Variants in RIMBP2 observed in about 807,000 individuals in gnomAD.
RIMBP2 encodes RIMS binding protein 2.
A neutral mutation model predicts 118.6 loss-of-function variants in RIMBP2; 48 were observed. That is an observed-to-expected ratio of 0.40 (90% CI 0.32 to 0.51). The LOEUF (loss-of-function observed/expected upper bound fraction) is 0.51. Among genes scored for constraint, RIMBP2 ranks in the 20% least tolerant of loss-of-function variants. The probability of loss-of-function intolerance (pLI) is 0.41; values close to 1 mark genes in which losing one functional copy is unlikely to be tolerated. For missense variants in RIMBP2, 1,551 were observed against 1,768.3 expected (o/e 0.88, Z 2.20); for synonymous variants, 762 against 742.9 (o/e 1.03, Z -0.42).
At chr12:130,691,492 A>G (rs954689575) in intron 1 of RIMBP2, among the ~76,000 whole-genome samples, 1 of 152,158 alleles carries the variant, frequency 6.6e-6, no homozygotes, top group African/African-American at 2.4e-5. Context: ...CAACACAGTG[A>G]GGCCCCATCT....
chr12:130,633,040 C>G (rs1023348472), intron 1 of RIMBP2, among the ~76,000 whole-genome samples: 2 of 152,056 alleles, frequency 1.3e-5, no homozygotes, highest in Non-Finnish European at 2.9e-5. Flanking sequence ...TAGGCATAGA[C>G]GCAGTTCATT....
chr12:130,541,681 G>T (rs1204945196), intron 2 of RIMBP2, among the ~76,000 whole-genome samples: 1 of 152,220 alleles, frequency 6.6e-6, no homozygotes, highest in Non-Finnish European at 1.5e-5. Context: ...ATGTTCTAAT[G>T]CAGGCATCAT....
At chr12:130,403,644 T>C (rs2074869706) in intron 21 of RIMBP2, among the ~76,000 whole-genome samples, 1 of 151,748 alleles carries the variant, frequency 6.6e-6, no homozygotes, top group East Asian at 1.9e-4. Flanking sequence ...CTTCAAATAA[T>C]AGTAATTGCT....
chr12:130,435,979 T>C (rs2077482911), intron 13 of RIMBP2, among the ~76,000 whole-genome samples: 1 of 152,176 alleles, frequency 6.6e-6, no homozygotes, highest in Admixed American at 6.5e-5. Context: ...AGGAGGACAG[T>C]GTAGGGTCCC....
At chr12:130,452,191 G>A (rs573841504) in intron 7 of RIMBP2, among the ~76,000 whole-genome samples, 23 of 151,928 alleles carry the variant, frequency 1.5e-4, no homozygotes, top group Admixed American at 5.2e-4. Context: ...TGGGGTCCTC[G>A]GTCCCTCTGT....
intron 1 of RIMBP2, among the ~76,000 whole-genome samples, chr12:130,654,855 C>T (rs904488753): frequency 2.0e-5 from 3 of 152,186 alleles, no homozygotes; most frequent in South Asian, 4.1e-4. Context: ...CAGCATGTCA[C>T]ACAGTGACAG....
intron 2 of RIMBP2, among the ~76,000 whole-genome samples, chr12:130,528,859 G>C (rs2053077974): frequency 6.6e-6 from 1 of 152,154 alleles, no homozygotes; most frequent in Admixed American, 6.5e-5. Context: ...TTCCAGTGGA[G>C]ATGTAAAATG....
Position 130,419,693 on chromosome 12 carries a change from C to T in RIMBP2, c.3238+2760G>A, listed in dbSNP as rs2076303190. 1 of 151,996 alleles carries T rather than the reference C, an allele frequency of 6.6e-6. No homozygotes were observed. Among genetic ancestry groups the T allele is most frequent in the African/African-American group, 2.4e-5 (1 of 41,398 alleles). 9.4% of individuals were successfully genotyped at this position (151,996 alleles called of 1,614,324 possible). A position where few individuals can be genotyped will look rare whatever the true frequency, so the allele number is the denominator to read the frequency against. ...TTTGTAGGCTCAGTAGCCAAAATAACAAAAAATGGGAGAATACAGAGGAGA... is the reference window on the plus strand; with the variant it reads ...TTTGTAGGCTCAGTAGCCAAAATAATAAAAAATGGGAGAATACAGAGGAGA... On this transcript the variant is annotated intron_variant, in intron 17 of 22. Coordinates refer to ENST00000690449, the MANE Select transcript of RIMBP2 (RefSeq NM_001393629.1). This position sits in a 1 kb window ranked among gnomAD's most constrained non-coding sequence, Gnocchi z 4.3.
chr12:130,679,360 G>A (rs1273084350), intron 1 of RIMBP2, among the ~76,000 whole-genome samples: 5 of 152,208 alleles, frequency 3.3e-5, no homozygotes, highest in African/African-American at 7.2e-5. Context: ...ATTTGTCCAC[G>A]GGGCAGGACA....
chr12:130,499,018 G>A (rs934252998), intron 4 of RIMBP2, among the ~76,000 whole-genome samples: 2 of 152,226 alleles, frequency 1.3e-5, no homozygotes, highest in African/African-American at 4.8e-5. Context: ...TCCTCAAGCT[G>A]TACAGGAGGC....
chr12:130,597,919 T>C (rs2140391323), intron 2 of RIMBP2, among the ~76,000 whole-genome samples: 1 of 152,276 alleles, frequency 6.6e-6, no homozygotes, highest in African/African-American at 2.4e-5. Context: ...ATAGACAGCA[T>C]TTATAGATTG....
Position 130,447,268 on chromosome 12 carries a change from C to G in RIMBP2, c.582-1999G>C, listed in dbSNP as rs1346535274. On this transcript the variant is annotated intron_variant, in intron 9 of 22. Coordinates refer to ENST00000690449, the MANE Select transcript of RIMBP2 (RefSeq NM_001393629.1). This position sits in a 1 kb window ranked among gnomAD's most constrained non-coding sequence, Gnocchi z 4.4. Reference sequence around the variant, plus strand: ...CACCGAGAAGGGTGGAAGAAGGTCCCTGGCTGGTAAGGGCACGGAGAAGAA... The same window carrying G: ...CACCGAGAAGGGTGGAAGAAGGTCCGTGGCTGGTAAGGGCACGGAGAAGAA... 1.3e-5 allele frequency among the ~76,000 whole-genome samples: 2 copies of G among 151,956 alleles called. No individual in the cohort carries two copies. Among genetic ancestry groups the G allele is most frequent in the Non-Finnish European group, 2.9e-5 (2 of 67,964 alleles).
Position 130,437,242 on chromosome 12 carries a change from A to G in RIMBP2, c.1706T>C (p.Val569Ala), listed in dbSNP as rs1593290465. Residue 569 changes from valine (V) to alanine (A), a missense_variant, in exon 13 of 23, where the codon GTG becomes GCG. This residue lies in a region of RIMBP2 where 1,038 missense variants were observed against 1,125.1 expected (regional missense o/e 0.92). Transcript: ENST00000690449. ...PTADSTAVELVRLRSLEAKGV... is the reference protein window; with the variant it reads ...PTADSTAVELARLRSLEAKGV... The stretch of plus-strand genomic sequence containing the variant: ...CTTGGCCTCCAGGCTCCGCAGCCGC[A>G]CAAGCTCCACGGCCGTGCTGTCTGC... 6.3e-7 allele frequency: 1 copy of G among 1,586,754 alleles called. No homozygotes were observed. Among genetic ancestry groups the G allele is most frequent in the Non-Finnish European group, 8.5e-7 (1 of 1,172,714 alleles).
At chr12:130,626,318 G>A (rs1445309698) in intron 2 of RIMBP2, among the ~76,000 whole-genome samples, 7 of 152,134 alleles carry the variant, frequency 4.6e-5, no homozygotes, top group Admixed American at 2.0e-4. Flanking sequence ...TTATCACCAC[G>A]ACTACCGCCA....
intron 1 of RIMBP2, among the ~76,000 whole-genome samples, chr12:130,677,545 T>C (rs933889507): frequency 4.6e-5 from 7 of 152,080 alleles, no homozygotes; most frequent in Non-Finnish European, 1.0e-4. Flanking sequence ...GGAGAATCAC[T>C]TGAACCTGGG....
In RIMBP2 at chr12:130,699,492, G is replaced by A. The variant is rs539181923; in HGVS notation, c.-352+16730C>T. On this transcript the variant is annotated intron_variant, in intron 1 of 22. Coordinates refer to ENST00000690449, the MANE Select transcript of RIMBP2 (RefSeq NM_001393629.1). ...CTATTGCAAGGACAAAAAACCAAAC[G>A]CCGCATGTTCTCACTCATAGGTGGG... 2.8e-3 allele frequency among the ~76,000 whole-genome samples: 410 copies of A among 147,176 alleles called. 1 individual carries two copies. The highest frequency in any genetic ancestry group is 5.2e-3 in the African/African-American group (209 of 39,906).
At chr12:130,513,751 G>A (rs555324599) in intron 3 of RIMBP2, among the ~76,000 whole-genome samples, 26 of 152,242 alleles carry the variant, frequency 1.7e-4, no homozygotes, top group Admixed American at 8.5e-4. Context: ...AATCATTTCC[G>A]CACAGGGAAA....
rs546932813 is a variant in RIMBP2, at chr12:130,434,351, T to C, written c.2253+383A>G. 6.6e-6 allele frequency among the ~76,000 whole-genome samples: 1 copy of C among 152,260 alleles called. No individual in the cohort carries two copies. The highest frequency in any genetic ancestry group is 2.1e-4 in the South Asian group (1 of 4,822). ...ACTGTGTTATTTTTGGCTCCCATGA[T>C]GCCTCCCTAGCACACAGATGGCCAA... On this transcript the variant is annotated intron_variant, in intron 14 of 22. Transcript: ENST00000690449. The surrounding 1 kb of genome is among the most constrained non-coding windows in gnomAD (Gnocchi z 5.7).
At chr12:130,687,448 T>C (rs148106583) in intron 1 of RIMBP2, among the ~76,000 whole-genome samples, 55 of 152,286 alleles carry the variant, frequency 3.6e-4, no homozygotes, top group African/African-American at 1.2e-3. Flanking sequence ...TTTCTGCACG[T>C]TTCACTGTAT....
Sources: allele counts gnomAD v4.1 joint callset (sites outside exome capture counted in the v4.1 genomes callset), GRCh38; gene constraint gnomAD v4.1.1; regional missense constraint gnomAD v4.1.1; non-coding constraint Gnocchi (gnomAD v3.1); transcripts MANE v1.5; gene names NCBI Gene and HGNC (gene_info 2026-07-23, HGNC 2026-07-21).